The following GPRIN3 variants were observed in gnomAD, a reference collection of about 807,000 sequenced individuals.
GPRIN3 encodes the protein G protein-regulated inducer of neurite outgrowth 3.
GPRIN3 carries 12 observed loss-of-function variants against 13.7 expected under a neutral mutation model. That is an observed-to-expected ratio of 0.87 (90% CI 0.56 to 1.42). GPRIN3 has a LOEUF of 1.42. Ranked by LOEUF, GPRIN3 falls within the 40% of genes most tolerant of loss-of-function variation. The pLI is 0.00. For synonymous variants in GPRIN3, 377 were observed against 372.7 expected (o/e 1.01, Z -0.13); for missense variants, 1,009 against 958.7 (o/e 1.05, Z -0.69).
intron 1 of GPRIN3, among the ~76,000 whole-genome samples, chr4:89,279,083 G>C (rs754002318): frequency 6.6e-6 from 1 of 152,182 alleles, no homozygotes; most frequent in Non-Finnish European, 1.5e-5. Context: ...GAGCACAGAG[G>C]GAAGAACCGA....
At chr4:89,272,961 T>C (rs1723999749) in intron 1 of GPRIN3, among the ~76,000 whole-genome samples, 1 of 152,192 alleles carries the variant, frequency 6.6e-6, no homozygotes, top group South Asian at 2.1e-4. Context: ...TATCACAGAA[T>C]CTAGCACATA....
chr4:89,276,403 A>G (rs1281183008), intron 1 of GPRIN3, among the ~76,000 whole-genome samples: 1 of 152,184 alleles, frequency 6.6e-6, no homozygotes, highest in Admixed American at 6.5e-5. Context: ...TCATTAGTTG[A>G]TACTGCACTA....
chr4:89,248,449 A>G lies in GPRIN3; in HGVS notation c.1662T>C (p.Thr554=). The change falls in exon 2 of 2, where the codon ACT becomes ACC. Residue 554 remains threonine (T), a synonymous_variant. Coordinates refer to ENST00000609438, the MANE Select transcript of GPRIN3 (RefSeq NM_198281.3). ...QVVKEKESTG[T]DTSDAKTLLL... ...GTAGGGTTTTGGCATCCGAGGTATC[A>G]GTGCCAGTAGACTCTTTTTCTTTTA... The G allele has an allele frequency of 6.2e-7, 1 of 1,613,720 alleles. No homozygotes were observed. The highest frequency in any genetic ancestry group is 8.5e-7 in the Non-Finnish European group (1 of 1,179,836).
At chr4:89,280,541 CT>C (rs1724217726) in intron 1 of GPRIN3, among the ~76,000 whole-genome samples, 1 of 152,224 alleles carries the variant, frequency 6.6e-6, no homozygotes, top group African/African-American at 2.4e-5. Context: ...CATGGCCTCT[CT>C]GCCTTCTTCC....
At chr4:89,282,440 T>C (rs1236991132) in intron 1 of GPRIN3, among the ~76,000 whole-genome samples, 1 of 152,192 alleles carries the variant, frequency 6.6e-6, no homozygotes, top group East Asian at 1.9e-4. Flanking sequence ...GTGCATCTAT[T>C]ATTGGGATAA....
In GPRIN3 at chr4:89,250,096, A is replaced by G; in HGVS notation, c.15T>C (p.Pro5=). 1.9e-6 allele frequency: 3 copies of G among 1,613,190 alleles called. No individual in the cohort carries two copies. The highest frequency in any genetic ancestry group is 1.1e-5 in the South Asian group (1 of 90,994). The change falls in exon 2 of 2, where the codon CCT becomes CCC. Residue 5 remains proline, a synonymous_variant. Transcript: ENST00000609438. ...AAGTTTTAGCTGATCTCAGAGGGTCAGGTACAGTCCCCATGGAATTTCTCT... is the reference window on the plus strand; with the variant it reads ...AAGTTTTAGCTGATCTCAGAGGGTCGGGTACAGTCCCCATGGAATTTCTCT... MGTV[P]DPLRSAKTSL...
intron 1 of GPRIN3, among the ~76,000 whole-genome samples, chr4:89,259,386 C>T (rs778149213): frequency 1.6e-4 from 24 of 152,192 alleles, no homozygotes; most frequent in Admixed American, 5.9e-4. Context: ...TTTTGCAACT[C>T]AGCTTTGAAG....
intron 1 of GPRIN3, among the ~76,000 whole-genome samples, chr4:89,259,951 T>G (rs1723580300): frequency 6.6e-6 from 1 of 152,166 alleles, no homozygotes; most frequent in Non-Finnish European, 1.5e-5. Flanking sequence ...ATTACAGATG[T>G]GTGCCACCAC....
chr4:89,286,263 A>G (rs1724411094), intron 1 of GPRIN3, among the ~76,000 whole-genome samples: 1 of 152,192 alleles, frequency 6.6e-6, no homozygotes, highest in Non-Finnish European at 1.5e-5. Flanking sequence ...GAAAGTTTCA[A>G]CTAAACTCTG....
rs554904254 is a variant in GPRIN3 at position 89,244,231 on chromosome 4, T to C, written c.*3549A>G. On this transcript the variant is annotated 3_prime_UTR_variant, in exon 2 of 2. Transcript: ENST00000609438. ...ACTTTAAGACAGCAAGCTCCTATTA[T>C]GAATTTGGTTCTGAAATCCAACCTC... The C allele has an allele frequency of 7.9e-5, 12 of 152,336 alleles. No homozygotes were observed. Among genetic ancestry groups the C allele is most frequent in the Non-Finnish European group, 1.8e-4 (12 of 68,002 alleles). 9.4% of individuals were successfully genotyped at this position (152,336 alleles called of 1,614,324 possible).
intron 1 of GPRIN3, among the ~76,000 whole-genome samples, chr4:89,300,275 C>T (rs1168140092): frequency 6.6e-6 from 1 of 152,056 alleles, no homozygotes; most frequent in African/African-American, 2.4e-5. Context: ...TCAATACCTA[C>T]AGGTTTGGGG....
chr4:89,252,971 T>C (rs1321155802), intron 1 of GPRIN3, among the ~76,000 whole-genome samples: 1 of 142,634 alleles, frequency 7.0e-6, no homozygotes, highest in Non-Finnish European at 1.5e-5. Context: ...TTTTCTGAAG[T>C]CCTCTAAAGC....
chr4:89,241,129 A>G lies in GPRIN3; in HGVS notation c.*6651T>C, dbSNP rs1252898267. ...AATGGCATGGTTACTTAGCCCTGGC[A>G]TATTTAATAATATGCCAATGTACTG... is the stretch of plus-strand genomic sequence containing the variant. On this transcript the variant is annotated 3_prime_UTR_variant, in exon 2 of 2. Transcript: ENST00000609438. The G allele has an allele frequency of 2.6e-5, 4 of 152,148 alleles. No homozygotes were observed. Among genetic ancestry groups the G allele is most frequent in the Non-Finnish European group, 5.9e-5 (4 of 68,002 alleles). 9.4% of individuals were successfully genotyped at this position (152,148 alleles called of 1,614,324 possible).
chr4:89,241,267 G>C lies in GPRIN3; in HGVS notation c.*6513C>G, dbSNP rs943567939. On this transcript the variant is annotated 3_prime_UTR_variant, in exon 2 of 2. Coordinates refer to ENST00000609438, the MANE Select transcript of GPRIN3 (RefSeq NM_198281.3). ...CTTCAAAAATAAAAGGACAAATTCT[G>C]TTACTGAATACATGTGCACACTTTT... The C allele has an allele frequency of 2.6e-5, 4 of 151,882 alleles. No individual in the cohort carries two copies. In the South Asian group the frequency reaches 6.2e-4, roughly 24 times the overall value. 9.4% of individuals were successfully genotyped at this position (151,882 alleles called of 1,614,324 possible). A position where few individuals can be genotyped will look rare whatever the true frequency, so the allele number is the denominator to read the frequency against.
rs1195566101 is a variant in GPRIN3 at position 89,244,413 on chromosome 4, C to T, written c.*3367G>A. The T allele has an allele frequency of 6.6e-6, 1 of 152,074 alleles. No individual in the cohort carries two copies. Among genetic ancestry groups the T allele is most frequent in the Non-Finnish European group, 1.5e-5 (1 of 67,994 alleles). 9.4% of individuals were successfully genotyped at this position (152,074 alleles called of 1,614,324 possible). A position where few individuals can be genotyped will look rare whatever the true frequency, so the allele number is the denominator to read the frequency against. On this transcript the variant is annotated 3_prime_UTR_variant, in exon 2 of 2. Coordinates refer to ENST00000609438, the MANE Select transcript of GPRIN3 (RefSeq NM_198281.3). ...TCAAATTACATTCAATATAGGTGAACTTATCAAGGCAGGAAACATACTAAC... is the reference window on the plus strand; with the variant it reads ...TCAAATTACATTCAATATAGGTGAATTTATCAAGGCAGGAAACATACTAAC...
rs575250600 is a variant in GPRIN3, at chr4:89,248,700, T to A, written c.1411A>T (p.Ile471Phe). ...SSLKATAIDQ[I>F]SISACSQAET... ...GCTTGACTGCATGCACTGATAGAAATCTGGTCAATGGCGGTAGCTTTCAGG... is the reference window on the plus strand; with the variant it reads ...GCTTGACTGCATGCACTGATAGAAAACTGGTCAATGGCGGTAGCTTTCAGG... The change falls in exon 2 of 2, where the codon ATT becomes TTT. Residue 471 changes from isoleucine (I) to phenylalanine (F), a missense_variant. Coordinates refer to ENST00000609438, the MANE Select transcript of GPRIN3 (RefSeq NM_198281.3). 8 of 1,613,972 alleles carry A rather than the reference T, an allele frequency of 5.0e-6. No homozygotes were observed. The highest frequency in any genetic ancestry group is 1.7e-5 in the Admixed American group (1 of 59,998).
chr4:89,254,107 C>T (rs1399875432), intron 1 of GPRIN3, among the ~76,000 whole-genome samples: 2 of 120,270 alleles, frequency 1.7e-5, no homozygotes, highest in Non-Finnish European at 1.9e-5. Context: ...GTCCCTTCTA[C>T]AGAAGGGTGT....
chr4:89,302,551 G>A (rs1724927688), intron 1 of GPRIN3, among the ~76,000 whole-genome samples: 1 of 152,056 alleles, frequency 6.6e-6, no homozygotes, highest in South Asian at 2.1e-4. Context: ...TATGCTGCCA[G>A]CTTCAAAATA....
In GPRIN3 at chr4:89,239,911, C is replaced by T. The variant is rs1244960787; in HGVS notation, c.*7869G>A. 1 of 152,202 alleles carries T rather than the reference C, an allele frequency of 6.6e-6. No homozygotes were observed. Among genetic ancestry groups the T allele is most frequent in the Non-Finnish European group, 1.5e-5 (1 of 68,054 alleles). 9.4% of individuals were successfully genotyped at this position (152,202 alleles called of 1,614,324 possible). ...TCCTGACCTCAGGTGATCTGCCTGC[C>T]TTGGCCTCCCAAAGTGCTGGGATTG... is the stretch of plus-strand genomic sequence containing the variant. On this transcript the variant is annotated 3_prime_UTR_variant, in exon 2 of 2. Coordinates refer to ENST00000609438, the MANE Select transcript of GPRIN3 (RefSeq NM_198281.3).
Sources: gnomAD v4.1 joint callset for allele counts (sites outside exome capture counted in the v4.1 genomes callset) on GRCh38, gnomAD v4.1.1 for gene constraint, MANE v1.5 for transcripts, NCBI Gene and HGNC (gene_info 2026-07-23, HGNC 2026-07-21) for gene names.